Variants in GABRB2 observed in about 807,000 individuals in gnomAD.
GABRB2 encodes gamma-aminobutyric acid receptor subunit beta-2.
Under a neutral mutation model 54.7 loss-of-function variants are expected in GABRB2, and 16 were observed. That is an observed-to-expected ratio of 0.29 (90% confidence interval 0.20 to 0.44). GABRB2 has a LOEUF of 0.44. Among genes scored for constraint, GABRB2 ranks in the 20% least tolerant of loss-of-function variants. The pLI, the probability that GABRB2 is intolerant of heterozygous loss-of-function variation, is 1.00. For missense variants in GABRB2, 355 were observed against 644.0 expected (o/e 0.55, Z 4.86); for synonymous variants, 244 against 233.8 (o/e 1.04, Z -0.40).
chr5:161,390,383 C>CA, intron 5 of GABRB2, among the ~76,000 whole-genome samples: 1 of 152,010 alleles, frequency 6.6e-6, no homozygotes, highest in Middle Eastern at 3.4e-3. Context: ...TTCCAAAGAG[C>CA]AAAAATTTCT....
At chr5:161,471,838 A>G (rs1443317722) in intron 3 of GABRB2, among the ~76,000 whole-genome samples, 7 of 151,910 alleles carry the variant, frequency 4.6e-5, no homozygotes, top group African/African-American at 1.7e-4. Flanking sequence ...TGCCCTATAA[A>G]TTCATCTCAA....
At chr5:161,478,857 A>G (rs949894900) in intron 3 of GABRB2, among the ~76,000 whole-genome samples, 17 of 152,090 alleles carry the variant, frequency 1.1e-4, no homozygotes, top group African/African-American at 3.9e-4. Context: ...AAAAAGTGCT[A>G]TGTAGATCCT....
chr5:161,530,655 G>A (rs550346870), intron 3 of GABRB2, among the ~76,000 whole-genome samples: 1 of 152,066 alleles, frequency 6.6e-6, no homozygotes, highest in Non-Finnish European at 1.5e-5. Flanking sequence ...TGAAGGAAAT[G>A]TAAAGAAATT....
intron 3 of GABRB2, among the ~76,000 whole-genome samples, chr5:161,519,114 A>C (rs1396484784): frequency 1.3e-5 from 2 of 152,158 alleles, no homozygotes; most frequent in Non-Finnish European, 2.9e-5. Context: ...TCATGTCACT[A>C]TTTTGAAAAC....
chr5:161,470,147 T>C (rs899916969), intron 3 of GABRB2, among the ~76,000 whole-genome samples: 2 of 151,866 alleles, frequency 1.3e-5, no homozygotes, highest in African/African-American at 4.8e-5. Context: ...CAAACTTCCA[T>C]GAGGATCCTT....
At chr5:161,380,341 G>T (rs1027889111) in intron 5 of GABRB2, among the ~76,000 whole-genome samples, 4 of 152,028 alleles carry the variant, frequency 2.6e-5, no homozygotes, top group African/African-American at 9.7e-5. Context: ...CTAGGCCCTG[G>T]AAAGCAACTT....
chr5:161,397,847 C>T (rs1050833572), intron 5 of GABRB2, among the ~76,000 whole-genome samples: 6 of 152,140 alleles, frequency 3.9e-5, no homozygotes, highest in African/African-American at 1.4e-4. Context: ...GATAGACTGT[C>T]TGGGACTGAA....
chr5:161,530,826 A>G (rs918568382), intron 3 of GABRB2, among the ~76,000 whole-genome samples: 2 of 152,154 alleles, frequency 1.3e-5, no homozygotes, highest in Non-Finnish European at 2.9e-5. Context: ...ATAGGATTCA[A>G]GTAAACACTT....
chr5:161,538,527 A>G (rs1760712868), intron 3 of GABRB2, among the ~76,000 whole-genome samples: 2 of 152,226 alleles, frequency 1.3e-5, no homozygotes, highest in South Asian at 2.1e-4. Context: ...AACTATAAGA[A>G]TAGTAAACGC....
At chr5:161,458,674 G>T (rs13158772) in intron 4 of GABRB2, among the ~76,000 whole-genome samples, 3,413 of 152,272 alleles carry the variant, frequency 0.022, 59 homozygotes, top group Non-Finnish European at 0.034. Context: ...TTGGCAAATT[G>T]CATCAGCCTC....
At chr5:161,326,525 C>T (rs764510328) in intron 8 of GABRB2, 44 bp from the exon 9 acceptor site, 3 of 1,594,422 alleles carry the variant, frequency 1.9e-6, no homozygotes, top group East Asian at 2.3e-5. Context: ...TCGATTGATG[C>T]TACTAGATTA....
chr5:161,536,798 ATGTTTGC>A (rs1219222077), intron 3 of GABRB2, among the ~76,000 whole-genome samples: 2 of 151,916 alleles, frequency 1.3e-5, no homozygotes, highest in Non-Finnish European at 2.9e-5. Flanking sequence ...GGGTTTTGTA[ATGTTTGC>A]CAGGCTGGTC....
chr5:161,300,671 A>G (rs1330371681), intron 9 of GABRB2, among the ~76,000 whole-genome samples: 1 of 152,166 alleles, frequency 6.6e-6, no homozygotes. Flanking sequence ...CCTTGTTAAA[A>G]CAGGTCTGGT....
At chr5:161,421,807 G>C (rs1395926621) in intron 4 of GABRB2, among the ~76,000 whole-genome samples, 1 of 152,152 alleles carries the variant, frequency 6.6e-6, no homozygotes, top group Non-Finnish European at 1.5e-5. Flanking sequence ...TTTTAACTGG[G>C]TGGTGGAGAA....
chr5:161,318,419 A>G (rs1474507618), intron 9 of GABRB2, among the ~76,000 whole-genome samples: 1 of 152,040 alleles, frequency 6.6e-6, no homozygotes, highest in Non-Finnish European at 1.5e-5. Context: ...GGTAGGTTAG[A>G]TATATGGTAT....
At chr5:161,511,595 C>A (rs913610814) in intron 3 of GABRB2, among the ~76,000 whole-genome samples, 4 of 152,000 alleles carry the variant, frequency 2.6e-5, no homozygotes, top group Non-Finnish European at 5.9e-5. Flanking sequence ...ACAGCTGACA[C>A]AACAAAGTAC....
chr5:161,438,495 A>G (rs1757373566), intron 4 of GABRB2, among the ~76,000 whole-genome samples: 1 of 152,140 alleles, frequency 6.6e-6, no homozygotes, highest in South Asian at 2.1e-4. Context: ...CATGCCAAAG[A>G]ACATCTATTG....
At chr5:161,386,581 T>G (rs971658778) in intron 5 of GABRB2, among the ~76,000 whole-genome samples, 1 of 152,310 alleles carries the variant, frequency 6.6e-6, no homozygotes, top group Admixed American at 6.5e-5. Context: ...GGTCTCACTC[T>G]GTCGCCCTAG....
chr5:161,489,051 T>G (rs1759019702), intron 3 of GABRB2, among the ~76,000 whole-genome samples: 1 of 151,764 alleles, frequency 6.6e-6, no homozygotes, highest in African/African-American at 2.4e-5. Context: ...CTGATCATCA[T>G]CTGATGGTTG....
Sources: allele counts gnomAD v4.1 joint callset (sites outside exome capture counted in the v4.1 genomes callset), GRCh38; gene constraint gnomAD v4.1.1; transcripts MANE v1.5; gene names NCBI Gene and HGNC (gene_info 2026-07-23, HGNC 2026-07-21).